Variants in FGD4 observed in about 807,000 individuals in gnomAD.
The protein encoded by FGD4 is FYVE, RhoGEF and PH domain containing 4.
FGD4 carries 42 observed loss-of-function variants against 102.0 expected under a neutral mutation model. The observed-to-expected ratio is 0.41, with a 90% CI of 0.32 to 0.53. The LOEUF (loss-of-function observed/expected upper bound fraction) is 0.53, where lower values mean the gene tolerates loss of function less well. Among genes scored for constraint, FGD4 ranks in the 20% least tolerant of loss-of-function variants. FGD4 has a pLI of 0.21. For missense variants in FGD4, 902 were observed against 1,078.2 expected, an observed-to-expected ratio of 0.84 and a Z score of 2.29; for synonymous variants, 380 against 375.7, an observed-to-expected ratio of 1.01 and a Z score of -0.13.
At position 32,544,729 on chromosome 12, in the gene FGD4, T is replaced by C. The variant is rs547679756; in HGVS notation, c.167-19408T>C. On this transcript the variant is annotated intron_variant, in intron 1 of 16. Coordinates refer to ENST00000534526, the MANE Select transcript of FGD4 (RefSeq NM_001370298.3). This position sits in a 1 kb window ranked among gnomAD's most constrained non-coding sequence, Gnocchi z 4.1. ...CCTGGTGACAGAAGGATACTCTGTC[T>C]CCAAAAAAAAAAAATTACTATTAAA... Among the ~76,000 whole-genome samples, 27 of 128,922 alleles carry C rather than the reference T, an allele frequency of 2.1e-4. No individual in the cohort carries two copies. Among genetic ancestry groups the C allele is most frequent in the Non-Finnish European group, 2.9e-4 (18 of 62,664 alleles). 84.6% of individuals were successfully genotyped at this position (128,922 alleles called of 152,430 possible).
intron 1 of FGD4, among the ~76,000 whole-genome samples, chr12:32,505,595 G>GT (rs1425899822): frequency 6.6e-6 from 1 of 152,214 alleles, no homozygotes; most frequent in African/African-American, 2.4e-5. Context: ...AACCATTTCT[G>GT]TATGGACTTA....
intron 2 of FGD4, among the ~76,000 whole-genome samples, chr12:32,565,704 C>A (rs915539285): frequency 6.6e-6 from 1 of 152,096 alleles, no homozygotes; most frequent in African/African-American, 2.4e-5. Flanking sequence ...CCAAAATAAT[C>A]CCCTTTTTAA....
At chr12:32,501,465 G>A (rs1938211453) in intron 1 of FGD4, among the ~76,000 whole-genome samples, 1 of 152,090 alleles carries the variant, frequency 6.6e-6, no homozygotes, top group Non-Finnish European at 1.5e-5. Context: ...ACCTTCACAT[G>A]GTGAAACAGA....
chr12:32,598,672 TGAAG>T lies in FGD4; in HGVS notation c.1101+92_1101+95del. ...TAATTAGAGTATTTTAGAAACTGCA[TGAAG>T]GAAGGGCCTGTTTTTGGCTAGTGAA... On this transcript the variant is annotated intron_variant, in intron 5 of 16. Transcript: ENST00000534526. 9 of 1,138,282 alleles carry T rather than the reference TGAAG, an allele frequency of 7.9e-6. No individual in the cohort carries two copies. The Middle Eastern group carries it at 2.1e-3, about 268-fold the overall frequency. 70.5% of individuals were successfully genotyped at this position (1,138,282 alleles called of 1,614,324 possible).
chr12:32,632,687 ATTTT>A, intron 14 of FGD4, among the ~76,000 whole-genome samples: 1 of 144,856 alleles, frequency 6.9e-6, no homozygotes, highest in South Asian at 2.2e-4. Context: ...TTTTATTTTT[ATTTT>A]TATTTATTTA....
chr12:32,441,473 A>T (rs1942432894), intron 1 of FGD4, among the ~76,000 whole-genome samples: 1 of 151,732 alleles, frequency 6.6e-6, no homozygotes, highest in Non-Finnish European at 1.5e-5. Flanking sequence ...GGGCCTCTTG[A>T]CTCTGGACTG....
intron 1 of FGD4, among the ~76,000 whole-genome samples, chr12:32,481,127 CAAAAAAAAAAAA>C (rs1157108520): frequency 1.2e-3 from 32 of 27,362 alleles, no homozygotes; most frequent in East Asian, 3.8e-3. Flanking sequence ...GACTCCGTCT[CAAAAAAAAAAAA>C]AAAAAAAAAA....
At chr12:32,460,502 C>CAAA (rs111317093) in intron 1 of FGD4, among the ~76,000 whole-genome samples, 139 of 127,416 alleles carry the variant, frequency 1.1e-3, no homozygotes, top group South Asian at 9.5e-3. Context: ...GACCCGGTCT[C>CAAA]AAAAAAAAAA....
intron 4 of FGD4, among the ~76,000 whole-genome samples, chr12:32,588,821 A>G (rs1370157273): frequency 6.6e-6 from 1 of 152,210 alleles, no homozygotes; most frequent in African/African-American, 2.4e-5. Flanking sequence ...AACCAGGAGA[A>G]TTGGGAAAGA....
chr12:32,585,651 G>A lies in FGD4; in HGVS notation c.1011+3184G>A, dbSNP rs561034688. On this transcript the variant is annotated intron_variant, in intron 4 of 16. Transcript: ENST00000534526. Reference sequence around the variant, plus strand: ...GGAGTTTGAGACCAACCTGGGCAACGGGCAAAACCCCATCTCTACAAAAAA... The same window carrying A: ...GGAGTTTGAGACCAACCTGGGCAACAGGCAAAACCCCATCTCTACAAAAAA... 9.4e-4 allele frequency among the ~76,000 whole-genome samples: 143 copies of A among 151,718 alleles called. 1 individual carries two copies. The highest frequency in any genetic ancestry group is 3.2e-3 in the African/African-American group (131 of 41,376).
intron 1 of FGD4, among the ~76,000 whole-genome samples, chr12:32,466,271 G>A (rs1943250263): frequency 6.6e-6 from 1 of 152,090 alleles, no homozygotes; most frequent in Non-Finnish European, 1.5e-5. Context: ...ATCTCTGAGT[G>A]TGCCTGTACA....
rs11287949 is a variant in FGD4 at position 32,544,731 on chromosome 12, CAA to C, written c.167-19395_167-19394del. 2.8e-5 allele frequency among the ~76,000 whole-genome samples: 4 copies of C among 143,696 alleles called. No homozygotes were observed. Among genetic ancestry groups the C allele is most frequent in the Admixed American group, 6.9e-5 (1 of 14,492 alleles). 94.3% of individuals were successfully genotyped at this position (143,696 alleles called of 152,430 possible). A position where few individuals can be genotyped will look rare whatever the true frequency, so the allele number is the denominator to read the frequency against. On this transcript the variant is annotated intron_variant, in intron 1 of 16. Coordinates refer to ENST00000534526, the MANE Select transcript of FGD4 (RefSeq NM_001370298.3). The surrounding 1 kb of genome is among the most constrained non-coding windows in gnomAD (Gnocchi z 4.1). ...TGGTGACAGAAGGATACTCTGTCTCCAAAAAAAAAAAATTACTATTAAAATTA... is the reference window on the plus strand; with the variant it reads ...TGGTGACAGAAGGATACTCTGTCTCCAAAAAAAAAATTACTATTAAAATTA...
intron 10 of FGD4, among the ~76,000 whole-genome samples, chr12:32,618,657 C>T (rs1054805996): frequency 1.3e-5 from 2 of 152,028 alleles, no homozygotes; most frequent in African/African-American, 4.8e-5. Flanking sequence ...CATAGCTAGA[C>T]CCTGTATCTA....
At chr12:32,576,479 A>G (rs1429014813) in intron 3 of FGD4, 30 bp downstream of exon 3, 2 of 1,612,922 alleles carry the variant, frequency 1.2e-6, no homozygotes, top group Non-Finnish European at 1.7e-6. Context: ...GGGAGAAGGC[A>G]GGAGAAGAAG....
chr12:32,551,735 G>A lies in FGD4; in HGVS notation c.167-12402G>A, dbSNP rs1422613531. Reference sequence around the variant, plus strand: ...CTAGCATTTGAGTTTTGATACGGATGATCATACCAGAAAAATATACCATCA... The same window carrying A: ...CTAGCATTTGAGTTTTGATACGGATAATCATACCAGAAAAATATACCATCA... On this transcript the variant is annotated intron_variant, in intron 1 of 16. Coordinates refer to ENST00000534526, the MANE Select transcript of FGD4 (RefSeq NM_001370298.3). Among the ~76,000 whole-genome samples the A allele has an allele frequency of 3.3e-5, 5 of 152,176 alleles. No homozygotes were observed. In the East Asian group the frequency reaches 9.6e-4, roughly 29 times the overall value.
rs1565841696 is a variant in FGD4 at position 32,561,091 on chromosome 12, T to TTTTTTG, written c.167-3041_167-3040insGTTTTT. Among the ~76,000 whole-genome samples, 16 of 126,792 alleles carry TTTTTTG rather than the reference T, an allele frequency of 1.3e-4. 1 individual carries two copies. The East Asian group carries it at 1.4e-3, about 11-fold the overall frequency. 83.2% of individuals were successfully genotyped at this position (126,792 alleles called of 152,430 possible). A position where few individuals can be genotyped will look rare whatever the true frequency, so the allele number is the denominator to read the frequency against. The stretch of plus-strand genomic sequence containing the variant: ...TTGGGTTTTGTTTTTTTTTTTTTTT[T>TTTTTTG]TTTTTTTTTTGAGATGGAGTTTCAC... On this transcript the variant is annotated intron_variant, in intron 1 of 16. Coordinates refer to ENST00000534526, the MANE Select transcript of FGD4 (RefSeq NM_001370298.3).
intron 1 of FGD4, among the ~76,000 whole-genome samples, chr12:32,531,224 T>C (rs1273378022): frequency 3.3e-5 from 5 of 152,010 alleles, no homozygotes; most frequent in African/African-American, 1.2e-4. Context: ...GCTGGGATTA[T>C]AGCTGTGAGC....
At chr12:32,616,281 A>G (rs572481831) in intron 10 of FGD4, among the ~76,000 whole-genome samples, 12 of 152,328 alleles carry the variant, frequency 7.9e-5, no homozygotes, top group African/African-American at 2.9e-4. Flanking sequence ...GCAGAGCTGA[A>G]TTAAACAGCT....
At chr12:32,426,493 G>A (rs1313425988) in intron 1 of FGD4, among the ~76,000 whole-genome samples, 1 of 152,124 alleles carries the variant, frequency 6.6e-6, no homozygotes, top group Admixed American at 6.6e-5. Context: ...TTTTCGCATC[G>A]ATGTTCATCA....
Sources: allele counts gnomAD v4.1 joint callset (sites outside exome capture counted in the v4.1 genomes callset), GRCh38; gene constraint gnomAD v4.1.1; non-coding constraint Gnocchi (gnomAD v3.1); transcripts MANE v1.5; gene names NCBI Gene and HGNC (gene_info 2026-07-23, HGNC 2026-07-21).